SAMD3: variants seen among roughly 807,000 people sequenced by gnomAD.
The protein encoded by SAMD3 is sterile alpha motif domain-containing protein 3.
Under a neutral mutation model 58.5 loss-of-function variants are expected in SAMD3, and 63 were observed. That is an observed-to-expected ratio of 1.08 (90% CI 0.88 to 1.33). The LOEUF (loss-of-function observed/expected upper bound fraction) is 1.33, where lower values mean the gene tolerates loss of function less well. SAMD3 is among the 40% of genes most tolerant of loss of function. The probability of loss-of-function intolerance (pLI) is 0.00; values close to 1 mark genes in which losing one functional copy is unlikely to be tolerated. For missense variants in SAMD3, 604 were observed against 608.4 expected (o/e 0.99, Z 0.08); for synonymous variants, 220 against 210.3 (o/e 1.05, Z -0.40).
intron 2 of SAMD3, among the ~76,000 whole-genome samples, chr6:130,283,294 G>A (rs1284898219): frequency 6.6e-6 from 1 of 152,200 alleles, no homozygotes; most frequent in Non-Finnish European, 1.5e-5. Flanking sequence ...GGTAGGAGTT[G>A]TAGAAGGTGG....
At chr6:130,349,431 C>T (rs1295285565) in intron 1 of SAMD3, among the ~76,000 whole-genome samples, 1 of 152,184 alleles carries the variant, frequency 6.6e-6, no homozygotes, top group Non-Finnish European at 1.5e-5. Context: ...AAACTACCAT[C>T]AGAGAATACT....
chr6:130,188,648 C>T (rs958066314), intron 5 of SAMD3, among the ~76,000 whole-genome samples: 1 of 152,190 alleles, frequency 6.6e-6, no homozygotes, highest in African/African-American at 2.4e-5. Flanking sequence ...ACCGGGACTG[C>T]TTCCTCTAAA....
chr6:130,327,622 C>G (rs528832277), intron 1 of SAMD3, among the ~76,000 whole-genome samples: 96 of 152,244 alleles, frequency 6.3e-4, no homozygotes, highest in African/African-American at 2.2e-3. Flanking sequence ...TGGCATGAAG[C>G]CTTACTAAGT....
chr6:130,184,209 A>T (rs768075387), intron 6 of SAMD3, 22 bp from the exon 7 acceptor site: 3 of 1,581,478 alleles, frequency 1.9e-6, no homozygotes, highest in Admixed American at 1.8e-5. Flanking sequence ...AACAAGGAGG[A>T]TATGTTTCAC....
At chr6:130,358,014 GTAGAGT>G in intron 1 of SAMD3, among the ~76,000 whole-genome samples, 1 of 152,332 alleles carries the variant, frequency 6.6e-6, no homozygotes, top group East Asian at 1.9e-4. Flanking sequence ...AGACTAGTGA[GTAGAGT>G]TAATTTCTCT....
At chr6:130,150,955 G>C (rs1789113443) in intron 9 of SAMD3, among the ~76,000 whole-genome samples, 1 of 151,996 alleles carries the variant, frequency 6.6e-6, no homozygotes, top group Admixed American at 6.6e-5. Context: ...CAAGTGATCT[G>C]CCTGCCTCAG....
At chr6:130,236,578 T>A (rs1444070700) in intron 2 of SAMD3, among the ~76,000 whole-genome samples, 1 of 152,068 alleles carries the variant, frequency 6.6e-6, no homozygotes, top group Non-Finnish European at 1.5e-5. Flanking sequence ...GAGATGAGGT[T>A]TCACCATGTT....
intron 2 of SAMD3, among the ~76,000 whole-genome samples, chr6:130,252,835 G>T (rs1773785743): frequency 6.6e-6 from 1 of 152,168 alleles, no homozygotes; most frequent in East Asian, 1.9e-4. Context: ...TCGATCCCTG[G>T]AATTTTGGTG....
rs576749161 is a variant in SAMD3, at chr6:130,281,476, A to G, written c.-188+31502T>C. Among the ~76,000 whole-genome samples, 8 of 152,234 alleles carry G rather than the reference A, an allele frequency of 5.3e-5. No homozygotes were observed. The South Asian group carries it at 1.7e-3, about 32-fold the overall frequency. ...AAAGAACTTGAAAGCTTGTGAATGAATGCAATGTCCTCTTATCTCCCTGCA... is the reference window on the plus strand; with the variant it reads ...AAAGAACTTGAAAGCTTGTGAATGAGTGCAATGTCCTCTTATCTCCCTGCA... On this transcript the variant is annotated intron_variant, in intron 2 of 13. Transcript: ENST00000368134.
At chr6:130,349,089 G>A (rs1303851850) in intron 1 of SAMD3, among the ~76,000 whole-genome samples, 3 of 152,066 alleles carry the variant, frequency 2.0e-5, no homozygotes, top group Non-Finnish European at 2.9e-5. Context: ...GTGTGTAGAG[G>A]GAAATTCATA....
intron 1 of SAMD3, among the ~76,000 whole-genome samples, chr6:130,350,586 T>C (rs1777620951): frequency 6.6e-6 from 1 of 152,142 alleles, no homozygotes; most frequent in Non-Finnish European, 1.5e-5. Flanking sequence ...TACAAACAAA[T>C]GGAAGAACAT....
chr6:130,220,064 C>T (rs896354947), intron 1 of SAMD3, among the ~76,000 whole-genome samples: 1 of 152,254 alleles, frequency 6.6e-6, no homozygotes. Flanking sequence ...TGCAGTGGCA[C>T]TATCTCGGCT....
intron 1 of SAMD3, chr6:130,221,816 T>G (rs1256867403): frequency 6.6e-6 from 1 of 152,088 alleles, no homozygotes; most frequent in African/African-American, 2.4e-5. Context: ...GTCAACTCTA[T>G]AATCCATAAA....
At chr6:130,240,215 C>T (rs1189342589) in intron 2 of SAMD3, among the ~76,000 whole-genome samples, 1 of 152,190 alleles carries the variant, frequency 6.6e-6, no homozygotes, top group South Asian at 2.1e-4. Context: ...TCACATACAA[C>T]ATTTTCCTTA....
chr6:130,209,196 T>C (rs1287565866), intron 5 of SAMD3, among the ~76,000 whole-genome samples: 1 of 152,232 alleles, frequency 6.6e-6, no homozygotes, highest in Non-Finnish European at 1.5e-5. Flanking sequence ...ATTCCATCTT[T>C]GTGACTGCTG....
chr6:130,264,363 C>A (rs1232391868), intron 2 of SAMD3, among the ~76,000 whole-genome samples: 2 of 152,164 alleles, frequency 1.3e-5, no homozygotes, highest in Non-Finnish European at 2.9e-5. Flanking sequence ...CCTTGGAGAC[C>A]TGAAGGGATG....
chr6:130,312,717 G>A (rs1776218525), intron 2 of SAMD3, among the ~76,000 whole-genome samples: 1 of 151,902 alleles, frequency 6.6e-6, no homozygotes, highest in Non-Finnish European at 1.5e-5. Context: ...GCCTAAAATG[G>A]CATTGCCTTG....
At chr6:130,239,758 T>C (rs919456983) in intron 2 of SAMD3, among the ~76,000 whole-genome samples, 4 of 152,186 alleles carry the variant, frequency 2.6e-5, no homozygotes, top group African/African-American at 9.7e-5. Context: ...GGTTTCCATT[T>C]TGAGGGGCAA....
chr6:130,238,201 G>A lies in SAMD3; in HGVS notation c.-187-15388C>T, dbSNP rs58172557. Among the ~76,000 whole-genome samples the A allele has an allele frequency of 4.4e-3, 673 of 152,132 alleles. 7 individuals carry two copies. The highest frequency in any genetic ancestry group is 0.015 in the African/African-American group (618 of 41,506). On this transcript the variant is annotated intron_variant, in intron 2 of 13. Transcript: ENST00000368134. ...ATGAAATTTATTCAGGGATAACTAC[G>A]TGCACAGAGGCAAAAACCCAATAGT...
Sources: gnomAD v4.1 joint callset for allele counts (sites outside exome capture counted in the v4.1 genomes callset) on GRCh38, gnomAD v4.1.1 for gene constraint, MANE v1.5 for transcripts, NCBI Gene and HGNC (gene_info 2026-07-23, HGNC 2026-07-21) for gene names.